Variants in ATP2B2 observed in about 807,000 individuals in gnomAD.
ATP2B2 encodes the protein ATPase plasma membrane Ca2+ transporting 2, also known as plasma membrane calcium-transporting ATPase 2.
Under a neutral mutation model 120.0 loss-of-function variants are expected in ATP2B2, and 15 were observed. The observed-to-expected ratio is 0.12, with a 90% CI of 0.08 to 0.19. The LOEUF is 0.19. Among genes scored for constraint, ATP2B2 ranks in the 10% least tolerant of loss-of-function variants. ATP2B2 has a pLI of 1.00. For missense variants in ATP2B2, 1,045 were observed against 1,719.8 expected, an observed-to-expected ratio of 0.61 and a Z score of 6.94; for synonymous variants, 694 against 700.3, an observed-to-expected ratio of 0.99 and a Z score of 0.14.
chr3:10,617,290 A>G (rs1371945091), intron 2 of ATP2B2, among the ~76,000 whole-genome samples: 1 of 152,232 alleles, frequency 6.6e-6, no homozygotes, highest in Non-Finnish European at 1.5e-5. Flanking sequence ...TGCCACTCTC[A>G]GGGGTATAAC....
chr3:10,456,963 C>T (rs561497924), intron 1 of ATP2B2, among the ~76,000 whole-genome samples: 1 of 152,232 alleles, frequency 6.6e-6, no homozygotes, highest in Non-Finnish European at 1.5e-5. Context: ...CTCCCTTGTC[C>T]TCACCCAGAG....
At chr3:10,683,162 A>T (rs1210888047) in intron 1 of ATP2B2, among the ~76,000 whole-genome samples, 4 of 149,578 alleles carry the variant, frequency 2.7e-5, no homozygotes, top group African/African-American at 1.0e-4. Flanking sequence ...ATTAAAAAAA[A>T]ATTTTTTTTT....
At chr3:10,457,012 G>A (rs532031494) in intron 1 of ATP2B2, among the ~76,000 whole-genome samples, 10 of 152,188 alleles carry the variant, frequency 6.6e-5, no homozygotes, top group Non-Finnish European at 1.3e-4. Flanking sequence ...TCTGGGGGAG[G>A]CAATTTCCTC....
At chr3:10,655,886 T>G (rs1008927565) in intron 1 of ATP2B2, among the ~76,000 whole-genome samples, 4 of 152,220 alleles carry the variant, frequency 2.6e-5, no homozygotes, top group African/African-American at 9.7e-5. Context: ...TCCTCCTTCT[T>G]CATCGATGCT....
intron 1 of ATP2B2, among the ~76,000 whole-genome samples, chr3:10,621,896 C>T (rs1412419704): frequency 1.3e-5 from 2 of 152,222 alleles, no homozygotes; most frequent in African/African-American, 2.4e-5. Context: ...GCTGTGCTCC[C>T]GGGCTGGCCC....
At chr3:10,444,840 CT>C (rs893136828) in intron 2 of ATP2B2, among the ~76,000 whole-genome samples, 26 of 152,226 alleles carry the variant, frequency 1.7e-4, no homozygotes, top group African/African-American at 6.3e-4. Context: ...CTGCAGCCTT[CT>C]GTCTCATGAA....
At chr3:10,481,181 C>A (rs1011011311) in intron 1 of ATP2B2, among the ~76,000 whole-genome samples, 2 of 152,336 alleles carry the variant, frequency 1.3e-5, no homozygotes, top group African/African-American at 4.8e-5. Context: ...GCCAACAATC[C>A]CAATTTTTTT....
chr3:10,691,850 G>A (rs1575629100), intron 1 of ATP2B2, among the ~76,000 whole-genome samples: 1 of 152,228 alleles, frequency 6.6e-6, no homozygotes, highest in Non-Finnish European at 1.5e-5. Context: ...AGGGGTGATG[G>A]TTTCCTTTAT....
chr3:10,470,707 C>T (rs962890985), intron 1 of ATP2B2, among the ~76,000 whole-genome samples: 2 of 152,158 alleles, frequency 1.3e-5, no homozygotes, highest in East Asian at 1.9e-4. Flanking sequence ...TGCCAGGCCT[C>T]GGGGCATCTC....
At chr3:10,432,640 G>A (rs928479144) in intron 2 of ATP2B2, among the ~76,000 whole-genome samples, 2 of 152,242 alleles carry the variant, frequency 1.3e-5, no homozygotes, top group Non-Finnish European at 2.9e-5. Flanking sequence ...GCGGCTTCAC[G>A]CCAGAAGCGA....
chr3:10,381,815 C>G (rs143246432), intron 8 of ATP2B2, among the ~76,000 whole-genome samples: 9 of 152,314 alleles, frequency 5.9e-5, no homozygotes, highest in African/African-American at 2.2e-4. Context: ...GGTCTATTCT[C>G]TCTGTGCATC....
At chr3:10,623,149 A>G (rs1481762489) in intron 1 of ATP2B2, among the ~76,000 whole-genome samples, 1 of 150,914 alleles carries the variant, frequency 6.6e-6, no homozygotes, top group African/African-American at 2.4e-5. Flanking sequence ...TGTAACCTCA[A>G]ATTCCTGGCC....
chr3:10,665,358 C>A (rs2070900635), intron 1 of ATP2B2, among the ~76,000 whole-genome samples: 1 of 152,202 alleles, frequency 6.6e-6, no homozygotes, highest in East Asian at 1.9e-4. Flanking sequence ...TTCAGTGTCA[C>A]TTCTTGGGGA....
At position 10,328,913 on chromosome 3, in the gene ATP2B2, G is replaced by A. The variant is rs1333580991; in HGVS notation, c.3633C>T (p.Ser1211=). 1.9e-6 allele frequency: 3 copies of A among 1,613,868 alleles called. No individual in the cohort carries two copies. Among genetic ancestry groups the A allele is most frequent in the Admixed American group, 1.7e-5 (1 of 59,990 alleles). The change falls in exon 23 of 23, where the codon AGC becomes AGT. Residue 1211 remains serine, a synonymous_variant. Transcript: ENST00000360273. Reference sequence around the variant, plus strand: ...TCAGGTTGATCCCACTGTCGATGGCGCTGTTGTTCTTGTTGAGGGATGACG... The same window carrying A: ...TCAGGTTGATCCCACTGTCGATGGCACTGTTGTTCTTGTTGAGGGATGACG... The part of the protein sequence containing the change: ...SPPSSLNKNN[S]AIDSGINLTT...
At chr3:10,643,710 A>T (rs913706382) in intron 1 of ATP2B2, among the ~76,000 whole-genome samples, 2 of 152,234 alleles carry the variant, frequency 1.3e-5, no homozygotes, top group African/African-American at 2.4e-5. Flanking sequence ...TTTCAGTGTC[A>T]TAAAAGGCAA....
In ATP2B2 at chr3:10,375,747, C is replaced by G; in HGVS notation, c.1202-103G>C. 2.0e-6 allele frequency: 2 copies of G among 989,164 alleles called. No homozygotes were observed. Among genetic ancestry groups the G allele is most frequent in the Non-Finnish European group, 3.1e-6 (2 of 636,322 alleles). The allele number at this position is 989,164 out of a possible 1,614,324, so 61.3% of individuals were successfully genotyped here. The stretch of plus-strand genomic sequence containing the variant: ...AAAGAGCTCCGGGTCAGGCTGACCC[C>G]AGCTCACCTCCCAGCTCTGCCACTC... On this transcript the variant is annotated intron_variant, in intron 10 of 22. Coordinates refer to ENST00000360273, the MANE Select transcript of ATP2B2 (RefSeq NM_001001331.4). This position sits in a 1 kb window ranked among gnomAD's most constrained non-coding sequence, Gnocchi z 4.2.
In ATP2B2 at chr3:10,360,025, G is replaced by T. The variant is rs750508666; in HGVS notation, c.1758C>A (p.Pro586=). 6.2e-7 allele frequency: 1 copy of T among 1,614,126 alleles called. No individual in the cohort carries two copies. The highest frequency in any genetic ancestry group is 8.5e-7 in the Non-Finnish European group (1 of 1,179,968). Reference sequence around the variant, plus strand: ...TCTCCTCTGGCATCTGGCTGCGCACGGGCTCGTAGTCCTGCTTCAGGTCCA... The same window carrying T: ...TCTCCTCTGGCATCTGGCTGCGCACTGGCTCGTAGTCCTGCTTCAGGTCCA... ...FVLDLKQDYE[P]VRSQMPEEKL... Residue 586 remains proline, a synonymous_variant, in exon 13 of 23, where the codon CCC becomes CCA. Transcript: ENST00000360273.
At chr3:10,378,461 A>G in intron 9 of ATP2B2, 51 bp from the exon 10 acceptor site, 1 of 1,596,618 alleles carries the variant, frequency 6.3e-7, no homozygotes, top group Non-Finnish European at 8.5e-7. Context: ...ATAGACACAC[A>G]TGCAGGTCAG....
intron 1 of ATP2B2, among the ~76,000 whole-genome samples, chr3:10,676,580 C>A (rs1182682999): frequency 6.6e-6 from 1 of 152,104 alleles, no homozygotes; most frequent in African/African-American, 2.4e-5. Context: ...CAAAGGCTTT[C>A]TGGGAGACAA....
Sources: gnomAD v4.1 joint callset for allele counts (sites outside exome capture counted in the v4.1 genomes callset) on GRCh38, gnomAD v4.1.1 for gene constraint, Gnocchi (gnomAD v3.1) non-coding constraint, MANE v1.5 for transcripts, NCBI Gene and HGNC (gene_info 2026-07-23, HGNC 2026-07-21) for gene names.